Variants in ZNF12 observed in about 807,000 individuals in gnomAD.
The protein encoded by ZNF12 is zinc finger protein 12, also known as gonadotropin inducible transcription repressor 3.
ZNF12 carries 34 observed loss-of-function variants against 66.6 expected under a neutral mutation model. The observed-to-expected ratio is 0.51, with a 90% CI of 0.39 to 0.68. The LOEUF (loss-of-function observed/expected upper bound fraction) is 0.68, where lower values mean the gene tolerates loss of function less well. ZNF12 is among the 30% of genes least tolerant of loss of function. The pLI is 0.00. For synonymous variants in ZNF12, 320 were observed against 278.9 expected, an observed-to-expected ratio of 1.15 and a Z score of -1.47; for missense variants, 697 against 826.9, an observed-to-expected ratio of 0.84 and a Z score of 1.93.
rs1227686726 is a variant in ZNF12, at chr7:6,691,154, C to G, written c.1788G>C (p.Gln596His). Residue 596 changes from glutamine to histidine, a missense_variant, in exon 5 of 5, where the codon CAG (glutamine) becomes CAC (histidine). Transcript: ENST00000405858. ...AGGCTTTCTCTCCTGTGTGTGTTCTCTGATGTCGATTAAGGGCTGAATTCT... is the reference window on the plus strand; with the variant it reads ...AGGCTTTCTCTCCTGTGTGTGTTCTGTGATGTCGATTAAGGGCTGAATTCT... ...FCQNSALNRH[Q>H]RTHTGEKAYE... 6.2e-7 allele frequency: 1 copy of G among 1,613,920 alleles called. No individual in the cohort carries two copies. Among genetic ancestry groups the G allele is most frequent in the African/African-American group, 1.3e-5 (1 of 74,892 alleles).
intron 4 of ZNF12, among the ~76,000 whole-genome samples, chr7:6,694,795 C>T (rs117256647): frequency 6.6e-6 from 1 of 152,282 alleles, no homozygotes; most frequent in East Asian, 1.9e-4. Flanking sequence ...TCCTTTCTCA[C>T]CTCAATTCCA....
rs758038275 is a variant in ZNF12 at position 6,697,472 on chromosome 7, C to T, written c.143-38G>A. The T allele has an allele frequency of 1.5e-5, 24 of 1,588,380 alleles. No homozygotes were observed. Among genetic ancestry groups the T allele is most frequent in the East Asian group, 4.5e-5 (2 of 44,456 alleles). ...AATGAAAGAGAACTTGAGCCCAGGC[C>T]GGTTGGCTTCAGGGTCTCTGTCATA... On this transcript the variant is annotated intron_variant, in intron 3 of 4. Transcript: ENST00000405858. This position sits in a 1 kb window ranked among gnomAD's most constrained non-coding sequence, Gnocchi z 6.1.
rs1277569596 is a variant in ZNF12 at position 6,706,525 on chromosome 7, C to T, written c.-144G>A. The T allele has an allele frequency of 2.1e-5, 10 of 472,058 alleles. No individual in the cohort carries two copies. Among genetic ancestry groups the T allele is most frequent in the South Asian group, 1.5e-4 (10 of 65,746 alleles). 29.2% of individuals were successfully genotyped at this position (472,058 alleles called of 1,614,324 possible). ...GCGCGTCTGCTCGCGAGGTCCCTTC[C>T]TGTCCACCTCACCAAGGCCGTTCTG... On this transcript the variant is annotated 5_prime_UTR_variant, in exon 1 of 5. Coordinates refer to ENST00000405858, the MANE Select transcript of ZNF12 (RefSeq NM_016265.4).
Position 6,697,308 on chromosome 7 carries a change from A to T in ZNF12, c.238+31T>A. On this transcript the variant is annotated intron_variant, in intron 4 of 4. Transcript: ENST00000405858. The surrounding 1 kb of genome is among the most constrained non-coding windows in gnomAD (Gnocchi z 6.1). ...TCCCTGGGAAAAACACTCCCAAGTT[A>T]CCGATCTCCTCACTGCCTCCACTAA... The T allele has an allele frequency of 6.5e-7, 1 of 1,543,666 alleles. No homozygotes were observed. Among genetic ancestry groups the T allele is most frequent in the South Asian group, 1.2e-5 (1 of 85,744 alleles).
At position 6,692,806 on chromosome 7, in the gene ZNF12, TGCTA is replaced by T; in HGVS notation, c.239-107_239-104del. On this transcript the variant is annotated intron_variant, in intron 4 of 4. Transcript: ENST00000405858. This position sits in a 1 kb window ranked among gnomAD's most constrained non-coding sequence, Gnocchi z 5.1. ...ACACACGCATCTCATTGTGAGTAGA[TGCTA>T]GCTTCATGAACAGATGAAAATAATT... The T allele has an allele frequency of 1.7e-6, 2 of 1,167,872 alleles. No individual in the cohort carries two copies. Among genetic ancestry groups the T allele is most frequent in the Non-Finnish European group, 2.4e-6 (2 of 843,700 alleles). 72.3% of individuals were successfully genotyped at this position (1,167,872 alleles called of 1,614,324 possible). A position where few individuals can be genotyped will look rare whatever the true frequency, so the allele number is the denominator to read the frequency against.
Position 6,691,849 on chromosome 7 carries a change from T to C in ZNF12, c.1093A>G (p.Lys365Glu). 1 of 1,614,204 alleles carries C rather than the reference T, an allele frequency of 6.2e-7. No homozygotes were observed. Among genetic ancestry groups the C allele is most frequent in the Non-Finnish European group, 8.5e-7 (1 of 1,180,020 alleles). Residue 365 changes from lysine to glutamate, a missense_variant, in exon 5 of 5, where the codon AAG becomes GAG. This residue lies in a region of ZNF12 where 401 missense variants were observed against 519.0 expected (regional missense o/e 0.77). Coordinates refer to ENST00000405858, the MANE Select transcript of ZNF12 (RefSeq NM_016265.4). The stretch of plus-strand genomic sequence containing the variant: ...CTCTGATGTTGTGTGAGGTGTGTCT[T>C]CTGGCAAAAGGATTTTCCACAATAA... ...CSYCGKSFCQKTHLTQHQRTH... is the reference protein window; with the variant it reads ...CSYCGKSFCQETHLTQHQRTH...
chr7:6,698,229 G>A lies in ZNF12; in HGVS notation c.16-418C>T, dbSNP rs1321070074. ...TTACCTCCCTGGTCACTCCTTCTCAGTCCCTTTGCTGGCTCCTCCTCTACT... is the reference window on the plus strand; with the variant it reads ...TTACCTCCCTGGTCACTCCTTCTCAATCCCTTTGCTGGCTCCTCCTCTACT... On this transcript the variant is annotated intron_variant, in intron 2 of 4. Transcript: ENST00000405858. This position sits in a 1 kb window ranked among gnomAD's most constrained non-coding sequence, Gnocchi z 4.4. Among the ~76,000 whole-genome samples the A allele has an allele frequency of 6.6e-6, 1 of 151,392 alleles. No individual in the cohort carries two copies. Among genetic ancestry groups the A allele is most frequent in the African/African-American group, 2.4e-5 (1 of 41,140 alleles).
Position 6,691,758 on chromosome 7 carries a change from G to A in ZNF12, c.1184C>T (p.Ala395Val). ...DCGKTFSQKS[A>V]LNDHQKIHTG... ...GTGAATTTTCTGATGGTCATTAAGT[G>A]CTGACTTCTGCGAGAAGGTTTTCCC... Residue 395 changes from alanine to valine, a missense_variant, in exon 5 of 5, where the codon GCA (alanine) becomes GTA (valine). Ala to Val is a moderately conservative substitution (Grantham distance 64). Coordinates refer to ENST00000405858, the MANE Select transcript of ZNF12 (RefSeq NM_016265.4). The A allele has an allele frequency of 6.2e-7, 1 of 1,613,920 alleles. No individual in the cohort carries two copies. The highest frequency in any genetic ancestry group is 8.5e-7 in the Non-Finnish European group (1 of 1,179,854).
In ZNF12 at chr7:6,705,016, C is replaced by G. The variant is rs376405046; in HGVS notation, c.15+143G>C. The G allele has an allele frequency of 4.4e-6, 4 of 899,532 alleles. No homozygotes were observed. The African/African-American group carries it at 5.1e-5, about 12-fold the overall frequency. The allele number at this position is 899,532 out of a possible 1,614,324, so 55.7% of individuals were successfully genotyped here. On this transcript the variant is annotated intron_variant, in intron 2 of 4. Transcript: ENST00000405858. This position sits in a 1 kb window ranked among gnomAD's most constrained non-coding sequence, Gnocchi z 4.0. ...TGCGCATATGAATATGATAAAAAGG[C>G]TTGGTGCTGATGGCTACTGTTCTGT...
At chr7:6,701,787 A>G (rs1430764971) in intron 2 of ZNF12, among the ~76,000 whole-genome samples, 1 of 152,086 alleles carries the variant, frequency 6.6e-6, no homozygotes, top group Non-Finnish European at 1.5e-5. Flanking sequence ...GAGGCCCCAC[A>G]GCCATTCTCA....
chr7:6,692,321 A>G lies in ZNF12; in HGVS notation c.621T>C (p.Tyr207=). The stretch of plus-strand genomic sequence containing the variant: ...GTTTCTCCAAAATACGAATTTTCTG[A>G]TAAAGACTTTCTTCATTTAGAGTAT... ...EPYTLNEESL[Y]QKIRILEKPF... Residue 207 remains tyrosine (Y), a synonymous_variant, in exon 5 of 5, where the codon TAT becomes TAC. Transcript: ENST00000405858. This position sits in a 1 kb window ranked among gnomAD's most constrained non-coding sequence, Gnocchi z 5.1. 6.2e-7 allele frequency: 1 copy of G among 1,609,860 alleles called. No homozygotes were observed. The highest frequency in any genetic ancestry group is 1.1e-5 in the South Asian group (1 of 90,050).
chr7:6,692,487 T>A lies in ZNF12; in HGVS notation c.455A>T (p.Glu152Val). Residue 152 changes from glutamate to valine, a missense_variant, in exon 5 of 5, where the codon GAA becomes GTA. Transcript: ENST00000405858. The surrounding 1 kb of genome is among the most constrained non-coding windows in gnomAD (Gnocchi z 5.1). ...ATAGCTTCCATCACTACTAATATAT[T>A]CTGAAACAGACGTTAAACACTTTTC... ...SCEKCLTSVS[E>V]YISSDGSYAR... 6.2e-7 allele frequency: 1 copy of A among 1,613,282 alleles called. No individual in the cohort carries two copies. Among genetic ancestry groups the A allele is most frequent in the Non-Finnish European group, 8.5e-7 (1 of 1,179,662 alleles).
rs903588757 is a variant in ZNF12 at position 6,696,573 on chromosome 7, G to A, written c.238+766C>T. ...GCACCCTTTGAGAAACTCATAATGCGAGGAAATCACAGTAGGTAGAAACAG... is the reference window on the plus strand; with the variant it reads ...GCACCCTTTGAGAAACTCATAATGCAAGGAAATCACAGTAGGTAGAAACAG... On this transcript the variant is annotated intron_variant, in intron 4 of 4. Coordinates refer to ENST00000405858, the MANE Select transcript of ZNF12 (RefSeq NM_016265.4). This position sits in a 1 kb window ranked among gnomAD's most constrained non-coding sequence, Gnocchi z 4.0. Among the ~76,000 whole-genome samples, 14 of 152,148 alleles carry A rather than the reference G, an allele frequency of 9.2e-5. No homozygotes were observed. The highest frequency in any genetic ancestry group is 3.1e-4 in the African/African-American group (13 of 41,412).
Position 6,705,123 on chromosome 7 carries a change from A to G in ZNF12, c.15+36T>C. The G allele has an allele frequency of 6.2e-7, 1 of 1,610,112 alleles. No individual in the cohort carries two copies. Among genetic ancestry groups the G allele is most frequent in the Non-Finnish European group, 8.5e-7 (1 of 1,177,822 alleles). On this transcript the variant is annotated intron_variant, in intron 2 of 4. Transcript: ENST00000405858. The surrounding 1 kb of genome is among the most constrained non-coding windows in gnomAD (Gnocchi z 4.0). ...CTCCTCCTAAGGTGTATTGTAAATC[A>G]GAGTAGAGAATAAATACATGAACAG...
At position 6,705,115 on chromosome 7, in the gene ZNF12, T is replaced by G; in HGVS notation, c.15+44A>C. 1 of 1,607,798 alleles carries G rather than the reference T, an allele frequency of 6.2e-7. No individual in the cohort carries two copies. Among genetic ancestry groups the G allele is most frequent in the Non-Finnish European group, 8.5e-7 (1 of 1,176,394 alleles). On this transcript the variant is annotated intron_variant, in intron 2 of 4. Transcript: ENST00000405858. The surrounding 1 kb of genome is among the most constrained non-coding windows in gnomAD (Gnocchi z 4.0). ...CCCTTAATCTCCTCCTAAGGTGTAT[T>G]GTAAATCAGAGTAGAGAATAAATAC...
At chr7:6,699,346 C>T (rs1024439484) in intron 2 of ZNF12, among the ~76,000 whole-genome samples, 12 of 152,158 alleles carry the variant, frequency 7.9e-5, no homozygotes, top group African/African-American at 1.7e-4. Context: ...CCTGAGATGC[C>T]GTGCCACTCT....
Position 6,702,486 on chromosome 7 carries a change from C to CCACACACACACA in ZNF12, c.15+2661_15+2672dup, listed in dbSNP as rs59156870. 2.6e-4 allele frequency among the ~76,000 whole-genome samples: 11 copies of CCACACACACACA among 42,758 alleles called. 4 individuals are homozygous for CCACACACACACA. Among genetic ancestry groups the CCACACACACACA allele is most frequent in the African/African-American group, 1.3e-3 (9 of 7,038 alleles). 28.1% of individuals were successfully genotyped at this position (42,758 alleles called of 152,430 possible). On this transcript the variant is annotated intron_variant, in intron 2 of 4. Transcript: ENST00000405858. ...ACGCACCAGATTCGTCTCCCAAACT[C>CCACACACACACA]CACACACACACACACACACACAGAT...
intron 4 of ZNF12, among the ~76,000 whole-genome samples, chr7:6,694,160 C>CT (rs1780117932): frequency 6.7e-6 from 1 of 150,360 alleles, no homozygotes; most frequent in African/African-American, 2.5e-5. Flanking sequence ...GAGTGAGAAT[C>CT]TGTCTCAAAA....
At position 6,698,805 on chromosome 7, in the gene ZNF12, T is replaced by C. The variant is rs1377506344; in HGVS notation, c.16-994A>G. ...ACCACATCTATAAATGTGTATCTTT[T>C]GAATAAAGTGTCCCATTCACAAGTA... On this transcript the variant is annotated intron_variant, in intron 2 of 4. Coordinates refer to ENST00000405858, the MANE Select transcript of ZNF12 (RefSeq NM_016265.4). This position sits in a 1 kb window ranked among gnomAD's most constrained non-coding sequence, Gnocchi z 4.4. Among the ~76,000 whole-genome samples, 1 of 152,246 alleles carries C rather than the reference T, an allele frequency of 6.6e-6. No homozygotes were observed. Among genetic ancestry groups the C allele is most frequent in the Non-Finnish European group, 1.5e-5 (1 of 68,044 alleles).
Sources: gnomAD v4.1 joint callset for allele counts (sites outside exome capture counted in the v4.1 genomes callset) on GRCh38, gnomAD v4.1.1 for gene constraint, gnomAD v4.1.1 regional missense constraint, Gnocchi (gnomAD v3.1) non-coding constraint, MANE v1.5 for transcripts, NCBI Gene and HGNC (gene_info 2026-07-23, HGNC 2026-07-21) for gene names.